Variants in LRR1 observed in about 807,000 individuals in gnomAD.
LRR1 encodes leucine-rich repeat protein 1.
A neutral mutation model predicts 31.6 loss-of-function variants in LRR1; 29 were observed. The ratio of observed to expected loss-of-function variants is 0.92; its 90% confidence interval spans 0.68 to 1.25. LRR1 has a LOEUF of 1.25. Ranked by LOEUF, LRR1 falls within the 50% of genes most tolerant of loss-of-function variation. The pLI is 0.00. For synonymous variants in LRR1, 179 were observed against 181.4 expected (o/e 0.99, Z 0.10); for missense variants, 485 against 487.2 (o/e 1.00, Z 0.04).
Position 49,599,200 on chromosome 14 carries a change from T to G in LRR1, c.180T>G (p.Tyr60Ter). 1 of 1,603,906 alleles carries G rather than the reference T, an allele frequency of 6.2e-7. No homozygotes were observed. The highest frequency in any genetic ancestry group is 8.5e-7 in the Non-Finnish European group (1 of 1,175,694). Residue 60 changes from tyrosine (Y) to a stop codon, truncating the protein, a stop_gained, in exon 1 of 4, where the codon TAT (tyrosine) becomes TAG (stop). Transcript: ENST00000298288. LOFTEE classifies it high-confidence loss of function. Reference sequence around the variant, plus strand: ...TGAAGGACAAGCGCGGGACCCGCTATGAGGTGCGTGAAGTGGGCAGGCCCT... The same window carrying G: ...TGAAGGACAAGCGCGGGACCCGCTAGGAGGTGCGTGAAGTGGGCAGGCCCT... ...STLKDKRGTR[Y>*]ELRENIEQFF...
At position 49,607,885 on chromosome 14, in the gene LRR1, T is replaced by G. The variant is rs1367106339; in HGVS notation, c.768T>G (p.Leu256=). 6.2e-7 allele frequency: 1 copy of G among 1,613,066 alleles called. No homozygotes were observed. The highest frequency in any genetic ancestry group is 1.1e-5 in the South Asian group (1 of 91,050). The change falls in exon 3 of 4, where the codon CTT becomes CTG. Residue 256 remains leucine (L), a synonymous_variant. Coordinates refer to ENST00000298288, the MANE Select transcript of LRR1 (RefSeq NM_152329.4). ...CQLQELKNLK[L]DDNELIQFPC... ...TCCAGGAACTTAAGAATTTAAAACT[T>G]GACGATAATGAATTGATTCAATTTC...
Position 49,602,458 on chromosome 14 carries a change from G to T in LRR1, c.272G>T (p.Cys91Phe), listed in dbSNP as rs1882099276. The T allele has an allele frequency of 6.2e-7, 1 of 1,611,516 alleles. No individual in the cohort carries two copies. The highest frequency in any genetic ancestry group is 1.7e-5 in the Admixed American group (1 of 59,884). The change falls in exon 2 of 4, where the codon TGT becomes TTT. Residue 91 changes from cysteine (C) to phenylalanine (F), a missense_variant. This residue lies in a region of LRR1 where 260 missense variants were observed against 249.6 expected (regional missense o/e 1.04). Transcript: ENST00000298288. The part of the protein sequence containing the change: ...VRLKEPPVDI[C>F]LSKAISSSLK... ...TTAAAGGAGCCTCCTGTGGATATCT[G>T]TCTAAGTAAGGTATGGTATTAAAAA...
rs752029601 is a variant in LRR1, at chr14:49,614,447, A to T, written c.1196A>T (p.Tyr399Phe). Residue 399 changes from tyrosine (Y) to phenylalanine (F), a missense_variant, in exon 4 of 4, where the codon TAT becomes TTT. Coordinates refer to ENST00000298288, the MANE Select transcript of LRR1 (RefSeq NM_152329.4). ...LGGTEAPIIS[Y>F]FCSLGCYVNS... ...GGTACTGAAGCACCTATTATCTCTT[A>T]TTTCTGTTCTCTAGGCTGTTATGTT... 1.2e-6 allele frequency: 2 copies of T among 1,613,848 alleles called. No homozygotes were observed. Among genetic ancestry groups the T allele is most frequent in the East Asian group, 2.2e-5 (1 of 44,842 alleles).
intron 3 of LRR1, among the ~76,000 whole-genome samples, chr14:49,613,826 CAA>C (rs1882604093): frequency 6.6e-6 from 1 of 152,048 alleles, no homozygotes; most frequent in African/African-American, 2.4e-5. Flanking sequence ...AAGTAAAAAT[CAA>C]AAGTTTGACT....
At chr14:49,603,002 A>ATTT (rs34024087) in intron 2 of LRR1, among the ~76,000 whole-genome samples, 4 of 139,534 alleles carry the variant, frequency 2.9e-5, no homozygotes, top group Admixed American at 7.2e-5. Context: ...TGCGTGGCTG[A>ATTT]TTTTTTTTTT....
chr14:49,603,457 A>G (rs544419869), intron 2 of LRR1: 1 of 284,670 alleles, frequency 3.5e-6, no homozygotes, highest in Non-Finnish European at 5.5e-6. Flanking sequence ...GTTGTAATAA[A>G]AGAGGAAAAA....
chr14:49,614,563 G>C lies in LRR1; in HGVS notation c.*67G>C, dbSNP rs750363427. The C allele has an allele frequency of 7.1e-5, 113 of 1,596,588 alleles. 1 individual carries two copies. Among genetic ancestry groups the C allele is most frequent in the Non-Finnish European group, 9.3e-5 (109 of 1,168,322 alleles). On this transcript the variant is annotated 3_prime_UTR_variant, in exon 4 of 4. Coordinates refer to ENST00000298288, the MANE Select transcript of LRR1 (RefSeq NM_152329.4). Reference sequence around the variant, plus strand: ...TGGGGTGCATGTATGATTTTGCAGCGTCAAATTGGAGTAAGGGAAGATTTC... The same window carrying C: ...TGGGGTGCATGTATGATTTTGCAGCCTCAAATTGGAGTAAGGGAAGATTTC...
At chr14:49,601,548 G>A (rs1882051935) in intron 1 of LRR1, 1 of 1,127,170 alleles carries the variant, frequency 8.9e-7, no homozygotes, top group African/African-American at 1.6e-5. Context: ...CTAGCACTCA[G>A]GATAGAATAG....
At chr14:49,611,752 G>A (rs918037952) in intron 3 of LRR1, among the ~76,000 whole-genome samples, 7 of 151,976 alleles carry the variant, frequency 4.6e-5, no homozygotes, top group Non-Finnish European at 8.8e-5. Flanking sequence ...GTGAAACCCT[G>A]TCTCCACTAA....
intron 3 of LRR1, among the ~76,000 whole-genome samples, chr14:49,608,722 A>G (rs1249350479): frequency 1.3e-5 from 2 of 151,698 alleles, no homozygotes; most frequent in Admixed American, 1.3e-4. Context: ...GCAGGTTCTA[A>G]CATTCCAGAC....
intron 1 of LRR1, chr14:49,600,353 A>G: frequency 6.4e-7 from 1 of 1,553,254 alleles, no homozygotes; most frequent in South Asian, 1.1e-5. Context: ...TATTAATAGG[A>G]GCTCAGATTG....
chr14:49,600,146 C>T, intron 1 of LRR1: 2 of 1,529,790 alleles, frequency 1.3e-6, no homozygotes, highest in African/African-American at 1.4e-5. Flanking sequence ...TCAGCGTCAC[C>T]GTGGGGGGCA....
In LRR1 at chr14:49,599,194, C is replaced by T; in HGVS notation, c.174C>T (p.Thr58=). Residue 58 remains threonine (T), a synonymous_variant, in exon 1 of 4, where the codon ACC becomes ACT. Coordinates refer to ENST00000298288, the MANE Select transcript of LRR1 (RefSeq NM_152329.4). The part of the protein sequence containing the change: ...LISTLKDKRG[T]RYELRENIEQ... ...CCACCCTGAAGGACAAGCGCGGGAC[C>T]CGCTATGAGGTGCGTGAAGTGGGCA... 1.9e-6 allele frequency: 3 copies of T among 1,606,036 alleles called. No individual in the cohort carries two copies. Among genetic ancestry groups the T allele is most frequent in the South Asian group, 1.1e-5 (1 of 89,500 alleles).
At chr14:49,613,488 G>C (rs1453146632) in intron 3 of LRR1, among the ~76,000 whole-genome samples, 1 of 149,786 alleles carries the variant, frequency 6.7e-6, no homozygotes, top group Admixed American at 6.7e-5. Flanking sequence ...CTGGGCAACA[G>C]AGTGAGACTC....
intron 1 of LRR1, 36 bp downstream of exon 1, chr14:49,599,239 T>C: frequency 6.5e-7 from 1 of 1,545,146 alleles, no homozygotes; most frequent in Non-Finnish European, 8.8e-7. Flanking sequence ...AGTCTCGCGT[T>C]CTTCTTGGAA....
rs571748856 is a variant in LRR1 at position 49,602,127 on chromosome 14, C to CA, written c.184-234dup. ...GGTGAGAGTGAGTGAGACTCTGTCT[C>CA]AAAAAAAAACAACTTTTTTTTTTTT... On this transcript the variant is annotated intron_variant, in intron 1 of 3. Transcript: ENST00000298288. 7.5e-3 allele frequency among the ~76,000 whole-genome samples: 773 copies of CA among 103,212 alleles called. 11 individuals are homozygous for CA. Among genetic ancestry groups the CA allele is most frequent in the East Asian group, 0.025 (64 of 2,544 alleles). 67.7% of individuals were successfully genotyped at this position (103,212 alleles called of 152,430 possible).
At chr14:49,601,911 T>A (rs1326069853) in intron 1 of LRR1, among the ~76,000 whole-genome samples, 2 of 150,792 alleles carry the variant, frequency 1.3e-5, no homozygotes, top group Non-Finnish European at 2.9e-5. Context: ...GGCAGGCAGA[T>A]CACTTGAGGC....
chr14:49,599,911 C>G, intron 1 of LRR1: 1 of 1,106,870 alleles, frequency 9.0e-7, no homozygotes, highest in East Asian at 3.2e-5. Context: ...GCGGCGGACC[C>G]TCCAGGCGGG....
intron 2 of LRR1, among the ~76,000 whole-genome samples, chr14:49,605,734 C>T (rs1258103818): frequency 2.0e-5 from 3 of 152,220 alleles, no homozygotes; most frequent in African/African-American, 2.4e-5. Context: ...TGTTTTCTGT[C>T]ATACCTGCCT....
Sources: gnomAD v4.1 joint callset for allele counts (sites outside exome capture counted in the v4.1 genomes callset) on GRCh38, gnomAD v4.1.1 for gene constraint, gnomAD v4.1.1 regional missense constraint, MANE v1.5 for transcripts, NCBI Gene and HGNC (gene_info 2026-07-23, HGNC 2026-07-21) for gene names.